Variants in TIMP3 observed in about 807,000 individuals in gnomAD.
The protein encoded by TIMP3 is metalloproteinase inhibitor 3.
Under a neutral mutation model 30.0 loss-of-function variants are expected in TIMP3, and 11 were observed. The ratio of observed to expected loss-of-function variants is 0.37; its 90% confidence interval spans 0.23 to 0.61. The LOEUF (loss-of-function observed/expected upper bound fraction) is 0.61. TIMP3 is among the 20% of genes least tolerant of loss of function. TIMP3 has a pLI of 0.70. For missense variants in TIMP3, 181 were observed against 276.8 expected, an observed-to-expected ratio of 0.65 and a Z score of 2.45; for synonymous variants, 112 against 111.3, an observed-to-expected ratio of 1.01 and a Z score of -0.04.
intron 1 of TIMP3, among the ~76,000 whole-genome samples, chr22:32,807,671 C>T (rs1313810030): frequency 6.6e-6 from 1 of 150,606 alleles, no homozygotes; most frequent in African/African-American, 2.4e-5. Flanking sequence ...AGGAATACAG[C>T]CTGTATTTAA....
chr22:32,805,608 C>G (rs2046710907), intron 1 of TIMP3, among the ~76,000 whole-genome samples: 1 of 151,586 alleles, frequency 6.6e-6, no homozygotes. Context: ...TTCCCAAATG[C>G]CATCTCTTTC....
At chr22:32,832,517 A>G (rs1039109310) in intron 1 of TIMP3, among the ~76,000 whole-genome samples, 1 of 151,764 alleles carries the variant, frequency 6.6e-6, no homozygotes, top group Non-Finnish European at 1.5e-5. Context: ...TTGCTATTCA[A>G]TACTTTCTAC....
At chr22:32,827,892 G>A (rs1485888437) in intron 1 of TIMP3, among the ~76,000 whole-genome samples, 1 of 152,144 alleles carries the variant, frequency 6.6e-6, no homozygotes, top group Non-Finnish European at 1.5e-5. Flanking sequence ...CTCACTGGCT[G>A]GCCCCTTCTC....
rs945139326 is a variant in TIMP3, at chr22:32,857,880, G to C, written c.317-137G>C. ...GTCCATTTTAAAAGGTGTTGGGTAG[G>C]GTGAAATAAAATCATGGGTCTGAAA... On this transcript the variant is annotated intron_variant, in intron 3 of 4. Transcript: ENST00000266085. 3.7e-5 allele frequency: 49 copies of C among 1,309,976 alleles called. No homozygotes were observed. The African/African-American group carries it at 6.6e-4, about 18-fold the overall frequency. 81.1% of individuals were successfully genotyped at this position (1,309,976 alleles called of 1,614,324 possible).
chr22:32,834,363 G>A (rs11089595), intron 1 of TIMP3, among the ~76,000 whole-genome samples: 14,529 of 151,216 alleles, frequency 0.096, 759 homozygotes, highest in African/African-American at 0.15. Flanking sequence ...GGGTTCCACC[G>A]TGTTGGCCAG....
intron 1 of TIMP3, among the ~76,000 whole-genome samples, chr22:32,814,176 GAAAGAAAAGAA>G (rs2047000865): frequency 1.0e-4 from 4 of 38,480 alleles, no homozygotes; most frequent in Non-Finnish European, 1.5e-4. Context: ...GAAAGAGAAA[GAAAGAAAAGAA>G]AGAAAGAAAG....
At chr22:32,813,841 A>G (rs1173358810) in intron 1 of TIMP3, among the ~76,000 whole-genome samples, 3 of 152,138 alleles carry the variant, frequency 2.0e-5, no homozygotes, top group Non-Finnish European at 1.5e-5. Flanking sequence ...AGTATGCAAT[A>G]ATAGTACTCT....
intron 1 of TIMP3, among the ~76,000 whole-genome samples, chr22:32,844,071 T>C (rs1196163160): frequency 2.6e-5 from 4 of 152,136 alleles, no homozygotes; most frequent in African/African-American, 4.8e-5. Context: ...TATACATTAA[T>C]TAGTTAAGGA....
intron 1 of TIMP3, among the ~76,000 whole-genome samples, chr22:32,824,209 T>G (rs1323093737): frequency 6.9e-6 from 1 of 144,508 alleles, no homozygotes; most frequent in Non-Finnish European, 1.5e-5. Flanking sequence ...ACTTGGGAGG[T>G]GGAGGTTGCA....
At chr22:32,840,370 C>T (rs977412348) in intron 1 of TIMP3, among the ~76,000 whole-genome samples, 2 of 152,042 alleles carry the variant, frequency 1.3e-5, no homozygotes, top group African/African-American at 2.4e-5. Context: ...TTGACATCAA[C>T]GAAAAGGGCC....
rs570984852 is a variant in TIMP3, at chr22:32,837,988, C to T, written c.122-11464C>T. Among the ~76,000 whole-genome samples the T allele has an allele frequency of 7.2e-5, 11 of 152,186 alleles. No individual in the cohort carries two copies. Among genetic ancestry groups the T allele is most frequent in the Non-Finnish European group, 1.3e-4 (9 of 68,034 alleles). ...TAACTGTCTCTAGTGATTCTCTGAT[C>T]CCAGCTCAGGCAGGATGTCTCCCTC... On this transcript the variant is annotated intron_variant, in intron 1 of 4. Transcript: ENST00000266085. The surrounding 1 kb of genome is among the most constrained non-coding windows in gnomAD (Gnocchi z 4.1).
At chr22:32,807,355 A>AAATATATATT (rs1555968074) in intron 1 of TIMP3, among the ~76,000 whole-genome samples, 25 of 19,892 alleles carry the variant, frequency 1.3e-3, no homozygotes, top group African/African-American at 2.8e-3. Flanking sequence ...ATAAATATAT[A>AAATATATATT]ATATATAATA....
At chr22:32,828,153 G>A (rs1218617582) in intron 1 of TIMP3, among the ~76,000 whole-genome samples, 1 of 152,216 alleles carries the variant, frequency 6.6e-6, no homozygotes, top group Non-Finnish European at 1.5e-5. Context: ...AGGAAAGAAT[G>A]CCCTTTTGAC....
intron 1 of TIMP3, among the ~76,000 whole-genome samples, chr22:32,826,167 G>A (rs989371767): frequency 6.6e-6 from 1 of 152,102 alleles, no homozygotes; most frequent in Non-Finnish European, 1.5e-5. Context: ...GGTGGCTCAC[G>A]CCTGTAATTC....
At chr22:32,842,022 C>T (rs550272031) in intron 1 of TIMP3, among the ~76,000 whole-genome samples, 17 of 152,138 alleles carry the variant, frequency 1.1e-4, no homozygotes, top group Middle Eastern at 3.4e-3. Context: ...TGGGTGACTT[C>T]GACAAGCACT....
At chr22:32,816,210 C>T (rs115172907) in intron 1 of TIMP3, among the ~76,000 whole-genome samples, 2,276 of 151,638 alleles carry the variant, frequency 0.015, 61 homozygotes, top group African/African-American at 0.052. Flanking sequence ...ATTGCAGGGG[C>T]GGGGGTAGGG....
chr22:32,832,373 C>T (rs1052801255), intron 1 of TIMP3, among the ~76,000 whole-genome samples: 2 of 152,086 alleles, frequency 1.3e-5, no homozygotes, highest in Non-Finnish European at 2.9e-5. Context: ...AGAATATGTC[C>T]AGTCCAACGT....
chr22:32,832,416 A>G (rs950298358), intron 1 of TIMP3, among the ~76,000 whole-genome samples: 3 of 152,188 alleles, frequency 2.0e-5, no homozygotes, highest in South Asian at 2.1e-4. Flanking sequence ...CAAGGGCTCC[A>G]GGAGGAAATG....
At chr22:32,827,819 G>A (rs962361301) in intron 1 of TIMP3, among the ~76,000 whole-genome samples, 1 of 152,174 alleles carries the variant, frequency 6.6e-6, no homozygotes, top group African/African-American at 2.4e-5. Context: ...CAGGCTCCAA[G>A]TTTGTCACTG....
Sources: allele counts gnomAD v4.1 joint callset (sites outside exome capture counted in the v4.1 genomes callset), GRCh38; gene constraint gnomAD v4.1.1; non-coding constraint Gnocchi (gnomAD v3.1); transcripts MANE v1.5; gene names NCBI Gene and HGNC (gene_info 2026-07-23, HGNC 2026-07-21).